Variants in ZNF385D observed in about 807,000 individuals in gnomAD.
ZNF385D encodes the protein zinc finger protein 385D.
ZNF385D carries 15 observed loss-of-function variants against 35.8 expected under a neutral mutation model. The observed-to-expected ratio is 0.42, with a 90% CI of 0.28 to 0.64. ZNF385D has a LOEUF of 0.64. Among genes scored for constraint, ZNF385D ranks in the 30% least tolerant of loss-of-function variants. ZNF385D has a pLI of 0.23. For missense variants in ZNF385D, 474 were observed against 494.6 expected (o/e 0.96, Z 0.39); for synonymous variants, 212 against 186.8 (o/e 1.13, Z -1.10).
chr3:22,087,422 G>A (rs192679670), intron 3 of ZNF385D, among the ~76,000 whole-genome samples: 3 of 152,164 alleles, frequency 2.0e-5, no homozygotes, highest in Admixed American at 2.0e-4. Context: ...CTCCCCAAAG[G>A]GAGTATATGA....
At chr3:21,587,319 A>G (rs946823304) in intron 2 of ZNF385D, among the ~76,000 whole-genome samples, 2 of 152,214 alleles carry the variant, frequency 1.3e-5, no homozygotes, top group Admixed American at 6.5e-5. Context: ...TCGTTTTGTA[A>G]TAGTCCAGCT....
At chr3:22,160,570 A>G (rs1705878523) in intron 3 of ZNF385D, among the ~76,000 whole-genome samples, 1 of 152,166 alleles carries the variant, frequency 6.6e-6, no homozygotes, top group Non-Finnish European at 1.5e-5. Context: ...ATGGAAAGAA[A>G]AAAGAATAGA....
At chr3:21,473,697 T>C (rs1159297210) in intron 4 of ZNF385D, among the ~76,000 whole-genome samples, 7 of 152,124 alleles carry the variant, frequency 4.6e-5, no homozygotes, top group Non-Finnish European at 1.0e-4. Context: ...AATATGCTAA[T>C]TTTTTCTTGT....
chr3:22,066,492 GTA>G (rs777501238), intron 3 of ZNF385D, among the ~76,000 whole-genome samples: 61 of 146,056 alleles, frequency 4.2e-4, no homozygotes, highest in African/African-American at 4.9e-4. Context: ...GTGTGTGTGT[GTA>G]TGTCTGTAAG....
intron 1 of ZNF385D, among the ~76,000 whole-genome samples, chr3:21,700,269 T>G (rs1437134329): frequency 6.6e-6 from 1 of 151,760 alleles, no homozygotes; most frequent in African/African-American, 2.4e-5. Flanking sequence ...CAGAAGGAAG[T>G]GGGGGAGTAA....
intron 2 of ZNF385D, among the ~76,000 whole-genome samples, chr3:22,203,332 C>A (rs1327163765): frequency 1.3e-5 from 2 of 152,086 alleles, no homozygotes; most frequent in African/African-American, 2.4e-5. Context: ...CCAGTCCTAG[C>A]AGGATTTATC....
At chr3:21,801,421 G>C (rs1047785626) in intron 3 of ZNF385D, among the ~76,000 whole-genome samples, 3 of 152,134 alleles carry the variant, frequency 2.0e-5, no homozygotes, top group African/African-American at 7.2e-5. Context: ...TAAGTGTTTG[G>C]TAAAATTCAT....
At chr3:21,811,504 G>A (rs2072921007) in intron 3 of ZNF385D, among the ~76,000 whole-genome samples, 1 of 152,082 alleles carries the variant, frequency 6.6e-6, no homozygotes. Context: ...TACAAAATAT[G>A]TTAAAATGTG....
At chr3:21,663,276 A>G (rs1212862602) in intron 2 of ZNF385D, among the ~76,000 whole-genome samples, 1 of 152,174 alleles carries the variant, frequency 6.6e-6, no homozygotes, top group Non-Finnish European at 1.5e-5. Flanking sequence ...TTTTATGTTA[A>G]ATGATATTCA....
rs536615228 is a variant in ZNF385D, at chr3:21,806,426, C to T, written c.326-141398G>A. 1.2e-4 allele frequency among the ~76,000 whole-genome samples: 19 copies of T among 152,032 alleles called. No homozygotes were observed. The South Asian group carries it at 3.1e-3, about 25-fold the overall frequency. ...TTCACCGTGTGAGCCAGGATGGTCT[C>T]GATCTCCTGACCTCGTGATGCACCC... On this transcript the variant is annotated intron_variant, in intron 3 of 5. Coordinates refer to the ZNF385D transcript ENST00000494108.
intron 3 of ZNF385D, among the ~76,000 whole-genome samples, chr3:21,551,486 C>T (rs2062567007): frequency 6.6e-6 from 1 of 152,074 alleles, no homozygotes; most frequent in Non-Finnish European, 1.5e-5. Context: ...CTTATATATC[C>T]TTAGTTTGGA....
chr3:21,774,372 G>T (rs1387842783), intron 3 of ZNF385D, among the ~76,000 whole-genome samples: 1 of 151,814 alleles, frequency 6.6e-6, no homozygotes, highest in Non-Finnish European at 1.5e-5. Flanking sequence ...AACCACCATG[G>T]CACACATTGA....
At chr3:22,118,816 ACT>A (rs1702939606) in intron 3 of ZNF385D, among the ~76,000 whole-genome samples, 1 of 152,042 alleles carries the variant, frequency 6.6e-6, no homozygotes, top group Non-Finnish European at 1.5e-5. Flanking sequence ...CTATTTTAAC[ACT>A]GTTTCTTAAT....
chr3:21,704,442 T>A (rs1264581168), intron 1 of ZNF385D, among the ~76,000 whole-genome samples: 1 of 151,920 alleles, frequency 6.6e-6, no homozygotes, highest in African/African-American at 2.4e-5. Flanking sequence ...TCATTTACTA[T>A]CCCTTTCCCT....
At chr3:22,314,656 A>C (rs181553129) in intron 2 of ZNF385D, among the ~76,000 whole-genome samples, 236 of 152,256 alleles carry the variant, frequency 1.6e-3, no homozygotes, top group Non-Finnish European at 2.7e-3. Flanking sequence ...GTCATATTTA[A>C]GATTTTCTTT....
At chr3:21,712,256 G>A (rs901188569) in intron 1 of ZNF385D, among the ~76,000 whole-genome samples, 12 of 152,014 alleles carry the variant, frequency 7.9e-5, no homozygotes, top group African/African-American at 2.4e-4. Context: ...CATTGTACAC[G>A]TCTACTTCTA....
At chr3:21,978,923 A>T (rs1020641646) in intron 3 of ZNF385D, among the ~76,000 whole-genome samples, 2 of 152,150 alleles carry the variant, frequency 1.3e-5, no homozygotes, top group Non-Finnish European at 2.9e-5. Flanking sequence ...ATGTGAAAAA[A>T]CAAAACATAT....
chr3:22,220,850 CT>C (rs1328665157), intron 2 of ZNF385D, among the ~76,000 whole-genome samples: 3 of 152,070 alleles, frequency 2.0e-5, no homozygotes, highest in African/African-American at 7.2e-5. Context: ...CAGATATTAT[CT>C]TTAATAGTTT....
intron 2 of ZNF385D, among the ~76,000 whole-genome samples, chr3:21,619,760 A>G (rs1309418995): frequency 6.6e-6 from 1 of 152,116 alleles, no homozygotes; most frequent in Non-Finnish European, 1.5e-5. Context: ...TTCTAGACCT[A>G]ATTGCTAAAG....
Sources: gnomAD v4.1 joint callset for allele counts (sites outside exome capture counted in the v4.1 genomes callset) on GRCh38, gnomAD v4.1.1 for gene constraint, MANE v1.5 for transcripts, NCBI Gene and HGNC (gene_info 2026-07-23, HGNC 2026-07-21) for gene names.